LIPJ: variants seen among roughly 807,000 people sequenced by gnomAD.
The protein encoded by LIPJ is lipase family member J.
In LIPJ, 33 loss-of-function variants were observed where a neutral mutation model predicts 39.8. The ratio of observed to expected loss-of-function variants is 0.83; its 90% CI spans 0.63 to 1.11. The LOEUF (loss-of-function observed/expected upper bound fraction) is 1.11, where lower values mean the gene tolerates loss of function less well. Among genes scored for constraint, LIPJ ranks in the 50% least tolerant of loss-of-function variants. The pLI is 0.00. For synonymous variants in LIPJ, 128 were observed against 139.2 expected, an observed-to-expected ratio of 0.92 and a Z score of 0.57; for missense variants, 422 against 427.9, an observed-to-expected ratio of 0.99 and a Z score of 0.12.
upstream of LIPJ, chr10:88,583,265 C>A: frequency 6.3e-7 from 1 of 1,582,030 alleles, no homozygotes; most frequent in Non-Finnish European, 8.6e-7. Flanking sequence ...GAAAGGCGGC[C>A]GAACCGGCGC....
At chr10:88,613,816 G>GTA in the LIPJ span, among the ~76,000 whole-genome samples, 1,042 of 69,630 alleles carry the variant, frequency 0.015, 27 homozygotes, top group African/African-American at 0.054. Flanking sequence ...GTGTGTGTGT[G>GTA]TATATATATA....
upstream of LIPJ, chr10:88,583,323 T>C (rs112288334): frequency 7.0e-7 from 1 of 1,422,482 alleles, no homozygotes; most frequent in Non-Finnish European, 9.2e-7. Flanking sequence ...GGCCCTGAGC[T>C]TTCCTCCGGC....
exon 4 of LIPJ, chr10:88,591,495 C>A (rs1461566550): frequency 3.8e-6 from 6 of 1,593,860 alleles, no homozygotes; most frequent in East Asian, 2.3e-5. Flanking sequence ...TAATAAAAAT[C>A]TAGGTAATAT....
At chr10:88,612,703 C>T in the LIPJ span, among the ~76,000 whole-genome samples, 325 of 152,050 alleles carry the variant, frequency 2.1e-3, 2 homozygotes, top group Middle Eastern at 0.024. Flanking sequence ...TAAATATATA[C>T]GCACCTTACA....
chr10:88,605,624 C>T lies in LIPJ; in HGVS notation c.796-9C>T, dbSNP rs375498884. 1.0e-5 allele frequency: 16 copies of T among 1,600,582 alleles called. No individual in the cohort carries two copies. Among genetic ancestry groups the T allele is most frequent in the African/African-American group, 1.3e-5 (1 of 74,596 alleles). ...AATGATATGGTCTTATTTTTTGTTT[C>T]TCTTTCAGCTTTTAAATTCTACTCA... On this transcript the variant is annotated splice_polypyrimidine_tract_variant and intron_variant, in intron 9 of 10. Coordinates refer to ENST00000371939, the Ensembl canonical transcript of LIPJ.
chr10:88,614,201 G>A, the LIPJ span, among the ~76,000 whole-genome samples: 1 of 151,834 alleles, frequency 6.6e-6, no homozygotes, highest in African/African-American at 2.4e-5. Flanking sequence ...TAGTTGTGTT[G>A]TTTTAAGAAA....
intron 4 of LIPJ, 82 bp from the exon 5 acceptor site, chr10:88,593,864 C>G: frequency 8.2e-7 from 1 of 1,225,776 alleles, no homozygotes. Context: ...CTGTCATGTA[C>G]TAAAAGTTTG....
At chr10:88,611,744 A>C (rs1319454734), downstream of LIPJ, among the ~76,000 whole-genome samples, 1 of 152,332 alleles carries the variant, frequency 6.6e-6, no homozygotes, top group East Asian at 1.9e-4. Flanking sequence ...AAAATGAACA[A>C]AGCCTCCAAG....
exon 6 of LIPJ, chr10:88,594,750 T>C: frequency 6.5e-7 from 1 of 1,549,146 alleles, no homozygotes. Flanking sequence ...ATATTTTATG[T>C]AGGCCATTCA....
downstream of LIPJ, among the ~76,000 whole-genome samples, chr10:88,609,627 G>A (rs1851725476): frequency 6.6e-6 from 1 of 152,142 alleles, no homozygotes; most frequent in Admixed American, 6.5e-5. Context: ...CCTACCGGGT[G>A]CAGTGGCGCA....
chr10:88,612,951 A>G, the LIPJ span, among the ~76,000 whole-genome samples: 8 of 152,370 alleles, frequency 5.3e-5, no homozygotes, highest in Non-Finnish European at 1.5e-5. Context: ...TCATCAGCAC[A>G]TGGAACATTC....
At chr10:88,591,540 T>C (rs745633286) in intron 4 of LIPJ, 42 bp downstream of exon 4, 5 of 1,547,686 alleles carry the variant, frequency 3.2e-6, no homozygotes, top group South Asian at 1.2e-5. Flanking sequence ...ATCTGGGGCC[T>C]GAAGTTCTTA....
Position 88,604,968 on chromosome 10 carries a change from A to G in LIPJ, c.796-665A>G, listed in dbSNP as rs116759466. On this transcript the variant is annotated intron_variant, in intron 9 of 10. Coordinates refer to ENST00000371939, the Ensembl canonical transcript of LIPJ. ...AAGATTAACAGGTCAGGTGGCAGAA[A>G]CTAAGTTGGCTAAACAAAGCTGAAA... Among the ~76,000 whole-genome samples the G allele has an allele frequency of 3.7e-3, 570 of 152,322 alleles. 5 individuals carry two copies. Among genetic ancestry groups the G allele is most frequent in the African/African-American group, 0.013 (538 of 41,574 alleles).
At chr10:88,590,846 T>A in intron 3 of LIPJ, 150 bp downstream of exon 3, 1 of 569,152 alleles carries the variant, frequency 1.8e-6, no homozygotes, top group East Asian at 3.1e-5. Context: ...TAGTTTCTCC[T>A]TCAGCCTTAT....
At chr10:88,611,087 G>A (rs1851745449), downstream of LIPJ, among the ~76,000 whole-genome samples, 1 of 152,164 alleles carries the variant, frequency 6.6e-6, no homozygotes, top group African/African-American at 2.4e-5. Context: ...TCACATCACA[G>A]TTCTCTTTGC....
chr10:88,583,276 T>C, upstream of LIPJ: 3 of 1,565,600 alleles, frequency 1.9e-6, no homozygotes, highest in South Asian at 3.6e-5. Context: ...GAACCGGCGC[T>C]AGCGCTCTTT....
chr10:88,595,473 A>G (rs1315719443), intron 6 of LIPJ, among the ~76,000 whole-genome samples: 1 of 151,678 alleles, frequency 6.6e-6, no homozygotes, highest in Non-Finnish European at 1.5e-5. Context: ...TAGAAAAAGC[A>G]TGTTGAGTAA....
intron 4 of LIPJ, chr10:88,592,378 A>G (rs1375852803): frequency 6.6e-6 from 1 of 151,922 alleles, no homozygotes; most frequent in African/African-American, 2.4e-5. Context: ...AGATAATTTT[A>G]AAACACAGCA....
At chr10:88,613,798 ATATG>A in the LIPJ span, among the ~76,000 whole-genome samples, 266 of 52,034 alleles carry the variant, frequency 5.1e-3, 2 homozygotes, top group African/African-American at 0.015. Context: ...ATATATATAT[ATATG>A]TGTGTGTGTG....
Sources: allele counts gnomAD v4.1 joint callset (sites outside exome capture counted in the v4.1 genomes callset), GRCh38; gene constraint gnomAD v4.1.1; transcripts MANE v1.5; gene names NCBI Gene and HGNC (gene_info 2026-07-23, HGNC 2026-07-21).